PRKG1: variants seen among roughly 807,000 people sequenced by gnomAD.
PRKG1 encodes protein kinase cGMP-dependent 1, also known as cGMP-dependent protein kinase 1.
In PRKG1, 35 loss-of-function variants were observed where a neutral mutation model predicts 88.1. The observed-to-expected ratio is 0.40, with a 90% CI of 0.30 to 0.53. PRKG1 has a LOEUF of 0.53. Ranked by LOEUF, PRKG1 falls within the 20% of genes least tolerant of loss-of-function variation. PRKG1 has a pLI of 0.59. For missense variants in PRKG1, 540 were observed against 839.8 expected (o/e 0.64, Z 4.41); for synonymous variants, 303 against 292.5 (o/e 1.04, Z -0.37).
chr10:51,725,155 A>T (rs1184532429), intron 3 of PRKG1, among the ~76,000 whole-genome samples: 1 of 152,218 alleles, frequency 6.6e-6, no homozygotes, highest in Non-Finnish European at 1.5e-5. Flanking sequence ...CAAGGCTTCT[A>T]AAAGTGAATT....
At chr10:51,349,476 G>GTGTGTGTGTGTGTGTGTT (rs1842190854) in intron 2 of PRKG1, among the ~76,000 whole-genome samples, 1 of 149,858 alleles carries the variant, frequency 6.7e-6, no homozygotes, top group Non-Finnish European at 1.5e-5. Context: ...GTGTGTGTGT[G>GTGTGTGTGTGTGTGTGTT]TGTGTGTATG....
intron 3 of PRKG1, among the ~76,000 whole-genome samples, chr10:51,514,016 T>A (rs1302360179): frequency 1.6e-5 from 2 of 126,514 alleles, no homozygotes; most frequent in African/African-American, 5.8e-5. Context: ...CTGAAGGAAA[T>A]AGAGACACAA....
intron 1 of PRKG1, among the ~76,000 whole-genome samples, chr10:51,126,317 TTA>T (rs1264115623): frequency 3.2e-5 from 4 of 125,090 alleles, no homozygotes; most frequent in African/African-American, 9.3e-5. Context: ...TTATAATTAT[TTA>T]TGTTTTTATA....
intron 3 of PRKG1, among the ~76,000 whole-genome samples, chr10:51,501,510 G>T (rs1841023093): frequency 6.6e-6 from 1 of 152,108 alleles, no homozygotes; most frequent in African/African-American, 2.4e-5. Context: ...TCTAATGGGA[G>T]TGCTATGCTG....
Position 51,600,509 on chromosome 10 carries a change from G to A in PRKG1, c.592+132673G>A, listed in dbSNP as rs376685573. ...AATAGAAATAAAATACAGCCACATA[G>A]AAAATTTAAAATTTTCTAGTAGCTA... On this transcript the variant is annotated intron_variant, in intron 3 of 17. Coordinates refer to ENST00000373980, the MANE Select transcript of PRKG1 (RefSeq NM_006258.4). 3.3e-4 allele frequency among the ~76,000 whole-genome samples: 50 copies of A among 152,188 alleles called. No individual in the cohort carries two copies. In the South Asian group the frequency reaches 1.0e-2, roughly 30 times the overall value.
intron 3 of PRKG1, among the ~76,000 whole-genome samples, chr10:51,572,624 C>T (rs886906466): frequency 3.3e-5 from 5 of 151,736 alleles, no homozygotes; most frequent in Non-Finnish European, 7.4e-5. Context: ...TTAGAAATTC[C>T]AATTCCAGGG....
intron 5 of PRKG1, among the ~76,000 whole-genome samples, chr10:52,020,587 G>A (rs1277354278): frequency 6.6e-6 from 1 of 152,152 alleles, no homozygotes; most frequent in Non-Finnish European, 1.5e-5. Context: ...GGCACATGAA[G>A]GTCAAGAGTG....
intron 1 of PRKG1, among the ~76,000 whole-genome samples, chr10:50,998,961 C>T (rs1203093786): frequency 1.3e-5 from 2 of 152,150 alleles, no homozygotes; most frequent in African/African-American, 4.8e-5. Context: ...GCACTGCTCA[C>T]TAAACATTAT....
At chr10:51,042,966 C>A (rs1370920250) in intron 1 of PRKG1, among the ~76,000 whole-genome samples, 1 of 152,170 alleles carries the variant, frequency 6.6e-6, no homozygotes, top group Non-Finnish European at 1.5e-5. Context: ...TTATCAAACC[C>A]TGCCTATGCC....
chr10:51,639,435 T>C (rs1839739516), intron 3 of PRKG1, among the ~76,000 whole-genome samples: 1 of 34,104 alleles, frequency 2.9e-5, no homozygotes, highest in Admixed American at 6.1e-4. Flanking sequence ...AGACTCCATC[T>C]CAAAAAAAAA....
At chr10:51,450,659 CA>C in intron 2 of PRKG1, among the ~76,000 whole-genome samples, 1 of 151,982 alleles carries the variant, frequency 6.6e-6, no homozygotes, top group East Asian at 1.9e-4. Flanking sequence ...AAAGAAAATA[CA>C]AACTAATAAA....
rs569085759 is a variant in PRKG1, at chr10:51,266,840, A to G, written c.478+113510A>G. On this transcript the variant is annotated intron_variant, in intron 2 of 17. Coordinates refer to ENST00000373980, the MANE Select transcript of PRKG1 (RefSeq NM_006258.4). The stretch of plus-strand genomic sequence containing the variant: ...GTCTTTAAGACGTATTTCTGAGGGC[A>G]GCTCTATTTTCTATACTCAATTATT... 4.7e-4 allele frequency among the ~76,000 whole-genome samples: 72 copies of G among 152,346 alleles called. 1 individual carries two copies. The highest frequency in any genetic ancestry group is 7.6e-4 in the Non-Finnish European group (52 of 68,028).
At chr10:51,297,494 A>C (rs1840750823) in intron 2 of PRKG1, among the ~76,000 whole-genome samples, 1 of 152,138 alleles carries the variant, frequency 6.6e-6, no homozygotes, top group Non-Finnish European at 1.5e-5. Flanking sequence ...ACCTTAAATT[A>C]GGATTGAGAG....
At chr10:51,518,364 T>C (rs189790449) in intron 3 of PRKG1, among the ~76,000 whole-genome samples, 38 of 152,202 alleles carry the variant, frequency 2.5e-4, no homozygotes, top group African/African-American at 9.2e-4. Flanking sequence ...TCTTAGTCTT[T>C]AGCCCCAATT....
chr10:51,733,954 C>T (rs1837190893), intron 3 of PRKG1, among the ~76,000 whole-genome samples: 1 of 152,102 alleles, frequency 6.6e-6, no homozygotes, highest in Admixed American at 6.5e-5. Context: ...ACTCCATATA[C>T]TCCAGCTATT....
intron 3 of PRKG1, among the ~76,000 whole-genome samples, chr10:51,713,299 A>C (rs1564617928): frequency 6.6e-6 from 1 of 152,244 alleles, no homozygotes; most frequent in Non-Finnish European, 1.5e-5. Flanking sequence ...TACATGACAG[A>C]ATACTGAAAA....
intron 4 of PRKG1, among the ~76,000 whole-genome samples, chr10:51,860,591 A>ACT (rs1840848689): frequency 2.0e-5 from 3 of 152,214 alleles, no homozygotes; most frequent in Non-Finnish European, 4.4e-5. Flanking sequence ...TCTAATGGTT[A>ACT]CACCAGCAGT....
chr10:51,956,753 C>T (rs1287677219), intron 5 of PRKG1, among the ~76,000 whole-genome samples: 3 of 151,352 alleles, frequency 2.0e-5, no homozygotes, highest in African/African-American at 4.8e-5. Context: ...TTTTAAGTTT[C>T]CCCACTCATA....
chr10:51,686,540 A>G (rs1840995855), intron 3 of PRKG1, among the ~76,000 whole-genome samples: 1 of 152,206 alleles, frequency 6.6e-6, no homozygotes. Flanking sequence ...AAACATGTTT[A>G]TCTGAAAATG....
Sources: gnomAD v4.1 joint callset for allele counts (sites outside exome capture counted in the v4.1 genomes callset) on GRCh38, gnomAD v4.1.1 for gene constraint, MANE v1.5 for transcripts, NCBI Gene and HGNC (gene_info 2026-07-23, HGNC 2026-07-21) for gene names.